Variants in PHF21A observed in about 807,000 individuals in gnomAD.
The protein encoded by PHF21A is BHC80a.
A neutral mutation model predicts 82.5 loss-of-function variants in PHF21A; 11 were observed. The observed-to-expected ratio is 0.13, with a 90% CI of 0.08 to 0.22. The LOEUF (loss-of-function observed/expected upper bound fraction) is 0.22. Ranked by LOEUF, PHF21A falls within the 10% of genes least tolerant of loss-of-function variation. The pLI is 1.00. For missense variants in PHF21A, 579 were observed against 837.8 expected, an observed-to-expected ratio of 0.69 and a Z score of 3.81; for synonymous variants, 297 against 302.8, an observed-to-expected ratio of 0.98 and a Z score of 0.20.
chr11:45,958,520 G>T (rs550358742), intron 10 of PHF21A, among the ~76,000 whole-genome samples: 1 of 143,444 alleles, frequency 7.0e-6, no homozygotes, highest in Non-Finnish European at 1.5e-5. Flanking sequence ...CAGCTACTTG[G>T]GAAGCTGAGG....
intron 6 of PHF21A, among the ~76,000 whole-genome samples, chr11:45,989,018 A>G (rs2094586255): frequency 6.6e-6 from 1 of 152,142 alleles, no homozygotes. Context: ...AAAATGAACA[A>G]TGTTATAAAT....
At chr11:46,036,757 C>T (rs927331788) in intron 6 of PHF21A, among the ~76,000 whole-genome samples, 3 of 152,132 alleles carry the variant, frequency 2.0e-5, no homozygotes, top group Admixed American at 1.3e-4. Flanking sequence ...ATATGGACAT[C>T]TTACTATTAT....
intron 17 of PHF21A, among the ~76,000 whole-genome samples, chr11:45,936,113 C>T (rs1193217924): frequency 6.6e-6 from 1 of 151,994 alleles, no homozygotes; most frequent in Non-Finnish European, 1.5e-5. Flanking sequence ...CCTGTCTCCA[C>T]CAAAAAATAC....
intron 6 of PHF21A, among the ~76,000 whole-genome samples, chr11:46,058,179 GAGA>G (rs1223752166): frequency 2.6e-5 from 4 of 152,174 alleles, no homozygotes; most frequent in African/African-American, 4.8e-5. Flanking sequence ...ATGGGGGTAA[GAGA>G]AGGAGAAAGG....
chr11:46,067,856 G>A (rs752001261), intron 6 of PHF21A, among the ~76,000 whole-genome samples: 1 of 152,102 alleles, frequency 6.6e-6, no homozygotes, highest in East Asian at 1.9e-4. Flanking sequence ...CACAATGAGC[G>A]CCAAATAAAG....
rs950737887 is a variant in PHF21A, at chr11:46,039,875, G to A, written c.153+36879C>T. ...TATCTGCATGAATGAAAAATACTGAGTACTTATCAATCTGTTTAGCTTTCT... is the reference window on the plus strand; with the variant it reads ...TATCTGCATGAATGAAAAATACTGAATACTTATCAATCTGTTTAGCTTTCT... On this transcript the variant is annotated intron_variant, in intron 6 of 18. Coordinates refer to ENST00000676320, the MANE Select transcript of PHF21A (RefSeq NM_001352027.3). Among the ~76,000 whole-genome samples, 4 of 152,226 alleles carry A rather than the reference G, an allele frequency of 2.6e-5. No homozygotes were observed. The East Asian group carries it at 5.8e-4, about 22-fold the overall frequency.
intron 3 of PHF21A, among the ~76,000 whole-genome samples, chr11:46,086,123 C>CT (rs543704333): frequency 0.032 from 4,647 of 144,928 alleles, 101 homozygotes; most frequent in Middle Eastern, 0.11. Flanking sequence ...TAGCTACTAT[C>CT]TTTTTTTTTT....
intron 6 of PHF21A, among the ~76,000 whole-genome samples, chr11:46,003,176 C>A (rs958256153): frequency 2.6e-5 from 4 of 151,564 alleles, no homozygotes; most frequent in Non-Finnish European, 4.4e-5. Context: ...CAGATTATTT[C>A]TTGCTTTGAA....
At chr11:46,046,196 C>T (rs1414214912) in intron 6 of PHF21A, among the ~76,000 whole-genome samples, 2 of 152,108 alleles carry the variant, frequency 1.3e-5, no homozygotes, top group Non-Finnish European at 2.9e-5. Context: ...TCAATTCACA[C>T]ACATCAGTGA....
At chr11:46,120,607 G>C (rs1175671188) in intron 1 of PHF21A, 1 of 151,976 alleles carries the variant, frequency 6.6e-6, no homozygotes, top group Non-Finnish European at 1.5e-5. Flanking sequence ...TTTTTTTTCG[G>C]GGGGGAGGTA....
In PHF21A at chr11:45,965,478, G is replaced by C. The variant is rs753058630; in HGVS notation, c.833C>G (p.Ser278Cys). The change falls in exon 10 of 19, where the codon TCC (serine) becomes TGC (cysteine). Residue 278 changes from serine (S) to cysteine (C), a missense_variant. Physicochemically the swap from Ser to Cys is moderately radical, Grantham distance 112. Coordinates refer to ENST00000676320, the MANE Select transcript of PHF21A (RefSeq NM_001352027.3). ...TKFTPTTLPT[S>C]QNSIHPVRVV... is the part of the protein sequence containing the mutation. The stretch of plus-strand genomic sequence containing the variant: ...ACGGACGGGGTGGATGGAATTCTGG[G>C]ATGTGGGAAGGGTTGTGGGGGTGAA... 1.7e-5 allele frequency: 28 copies of C among 1,613,968 alleles called. No homozygotes were observed. Among genetic ancestry groups the C allele is most frequent in the Non-Finnish European group, 2.4e-5 (28 of 1,180,004 alleles).
intron 6 of PHF21A, among the ~76,000 whole-genome samples, chr11:46,068,744 G>A (rs1350798643): frequency 6.6e-6 from 1 of 151,996 alleles, no homozygotes; most frequent in Non-Finnish European, 1.5e-5. Flanking sequence ...CTGATGACAA[G>A]GGCTAAGAAA....
chr11:46,112,312 G>T (rs1313023041), intron 1 of PHF21A, among the ~76,000 whole-genome samples: 1 of 152,058 alleles, frequency 6.6e-6, no homozygotes, highest in Non-Finnish European at 1.5e-5. Context: ...TAAAAAGAGA[G>T]GAAAAAAATG....
intron 15 of PHF21A, among the ~76,000 whole-genome samples, chr11:45,944,716 C>G (rs1404116163): frequency 2.0e-5 from 3 of 152,240 alleles, no homozygotes; most frequent in Non-Finnish European, 4.4e-5. Flanking sequence ...CACCACTCTT[C>G]ATAAACATCA....
At chr11:45,977,110 A>G (rs2094064851) in intron 7 of PHF21A, among the ~76,000 whole-genome samples, 2 of 148,860 alleles carry the variant, frequency 1.3e-5, no homozygotes, top group East Asian at 2.0e-4. Context: ...AGGAAAAGCT[A>G]TTATATTTTG....
At chr11:46,079,524 A>C (rs1023960659) in intron 4 of PHF21A, among the ~76,000 whole-genome samples, 1 of 152,230 alleles carries the variant, frequency 6.6e-6, no homozygotes, top group Non-Finnish European at 1.5e-5. Context: ...GCCTGGAAAG[A>C]AGCTGGCCCC....
chr11:46,008,154 C>A (rs1459334696), intron 6 of PHF21A, among the ~76,000 whole-genome samples: 1 of 152,206 alleles, frequency 6.6e-6, no homozygotes, highest in Non-Finnish European at 1.5e-5. Context: ...GCACCTTCCC[C>A]TACAATGTGT....
intron 15 of PHF21A, among the ~76,000 whole-genome samples, chr11:45,939,825 T>G (rs540200435): frequency 1.4e-4 from 18 of 130,994 alleles, no homozygotes; most frequent in African/African-American, 4.9e-4. Context: ...TTCCAGAGAG[T>G]CAATGCCTAG....
intron 1 of PHF21A, among the ~76,000 whole-genome samples, chr11:46,101,598 T>C (rs1593242882): frequency 6.6e-6 from 1 of 152,200 alleles, no homozygotes; most frequent in Non-Finnish European, 1.5e-5. Context: ...AATTAAATAA[T>C]AGATGAAATG....
Sources: allele counts gnomAD v4.1 joint callset (sites outside exome capture counted in the v4.1 genomes callset), GRCh38; gene constraint gnomAD v4.1.1; transcripts MANE v1.5; gene names NCBI Gene and HGNC (gene_info 2026-07-23, HGNC 2026-07-21).